Variants in FNIP2 observed in about 807,000 individuals in gnomAD.
FNIP2 encodes folliculin-interacting protein 2.
FNIP2 carries 32 observed loss-of-function variants against 108.7 expected under a neutral mutation model. That is an observed-to-expected ratio of 0.29 (90% CI 0.22 to 0.40). FNIP2 has a LOEUF of 0.40. FNIP2 is among the 10% of genes least tolerant of loss of function. The pLI, the probability that FNIP2 is intolerant of heterozygous loss-of-function variation, is 1.00. For missense variants in FNIP2, 1,202 were observed against 1,381.6 expected, an observed-to-expected ratio of 0.87 and a Z score of 2.06; for synonymous variants, 480 against 496.7, an observed-to-expected ratio of 0.97 and a Z score of 0.45.
intron 1 of FNIP2, among the ~76,000 whole-genome samples, chr4:158,820,616 A>G (rs769963714): frequency 1.3e-5 from 2 of 152,214 alleles, no homozygotes; most frequent in African/African-American, 2.4e-5. Context: ...TTGGCATAAA[A>G]TTTAAAGTCC....
intron 12 of FNIP2, among the ~76,000 whole-genome samples, chr4:158,864,266 C>T (rs192378211): frequency 1.7e-3 from 256 of 152,218 alleles, no homozygotes; most frequent in African/African-American, 5.8e-3. Context: ...TGGGCTCAAG[C>T]GATCCAACTG....
chr4:158,791,187 A>G (rs534843028), intron 1 of FNIP2, among the ~76,000 whole-genome samples: 2 of 149,716 alleles, frequency 1.3e-5, no homozygotes, highest in East Asian at 2.0e-4. Context: ...TTTGCTTCCA[A>G]TCCCCTCTAT....
chr4:158,806,748 G>A (rs1049926868), intron 1 of FNIP2, among the ~76,000 whole-genome samples: 7 of 152,118 alleles, frequency 4.6e-5, no homozygotes, highest in African/African-American at 1.7e-4. Context: ...GTAATTATCA[G>A]GAAAAAAAGG....
At chr4:158,773,804 G>A (rs1018207601) in intron 1 of FNIP2, among the ~76,000 whole-genome samples, 3 of 152,062 alleles carry the variant, frequency 2.0e-5, no homozygotes, top group African/African-American at 2.4e-5. Context: ...GATGTTCAGC[G>A]GACACTCACT....
At chr4:158,828,201 CACATGCTATGTAATTCA>C (rs1778263073) in intron 2 of FNIP2, among the ~76,000 whole-genome samples, 1 of 152,198 alleles carries the variant, frequency 6.6e-6, no homozygotes, top group African/African-American at 2.4e-5. Context: ...ATATTTCCAT[CACATGCTATGTAATTCA>C]CAGTAGCTCC....
chr4:158,770,196 C>A (rs919573773), intron 1 of FNIP2, among the ~76,000 whole-genome samples: 5 of 152,126 alleles, frequency 3.3e-5, no homozygotes, highest in African/African-American at 1.2e-4. Flanking sequence ...AGATTCCAGT[C>A]TTTAAAATCC....
At chr4:158,884,778 G>A (rs1362588161) in intron 14 of FNIP2, among the ~76,000 whole-genome samples, 2 of 152,120 alleles carry the variant, frequency 1.3e-5, no homozygotes, top group East Asian at 3.9e-4. Context: ...TGAAGGAGAA[G>A]CAAGTACCTT....
At chr4:158,771,453 G>T (rs1325778395) in intron 1 of FNIP2, among the ~76,000 whole-genome samples, 1 of 152,192 alleles carries the variant, frequency 6.6e-6, no homozygotes, top group African/African-American at 2.4e-5. Context: ...TTGTGAACCT[G>T]TGTTTCATTT....
chr4:158,838,743 A>G (rs1336198110), intron 7 of FNIP2, among the ~76,000 whole-genome samples: 1 of 152,154 alleles, frequency 6.6e-6, no homozygotes, highest in Non-Finnish European at 1.5e-5. Flanking sequence ...ACTATTAGCT[A>G]AAGTCCACAG....
In FNIP2 at chr4:158,781,914, G is replaced by A. The variant is rs955714157; in HGVS notation, c.107+12595G>A. On this transcript the variant is annotated intron_variant, in intron 1 of 16. Coordinates refer to ENST00000264433, the MANE Select transcript of FNIP2 (RefSeq NM_020840.3). ...AGTTTTTTTTTCTTTTTTTTAATCT[G>A]TAAAACAGGTGTAAAGTTGCCTTTC... Among the ~76,000 whole-genome samples the A allele has an allele frequency of 4.0e-5, 6 of 151,462 alleles. 1 individual carries two copies. In the South Asian group the frequency reaches 6.3e-4, roughly 16 times the overall value.
intron 8 of FNIP2, among the ~76,000 whole-genome samples, chr4:158,852,402 T>C (rs1290266564): frequency 2.0e-5 from 3 of 152,168 alleles, no homozygotes; most frequent in Non-Finnish European, 4.4e-5. Context: ...AATTATAGCT[T>C]TGTCACCCAT....
chr4:158,867,838 C>G lies in FNIP2; in HGVS notation c.1466-264C>G, dbSNP rs148082501. ...TGACCCACTGAGCTGCAGGGAAGAC[C>G]CAGCAGGCAATGGGAGGGGCTGTGG... is the stretch of plus-strand genomic sequence containing the variant. On this transcript the variant is annotated intron_variant, in intron 12 of 16. Transcript: ENST00000264433. 2.1e-4 allele frequency among the ~76,000 whole-genome samples: 32 copies of G among 152,258 alleles called. No homozygotes were observed. In the East Asian group the frequency reaches 4.1e-3, roughly 19 times the overall value.
intron 1 of FNIP2, among the ~76,000 whole-genome samples, chr4:158,786,030 G>A (rs183409838): frequency 1.5e-4 from 23 of 152,232 alleles, no homozygotes; most frequent in Non-Finnish European, 2.9e-4. Flanking sequence ...CCTTTGCCTG[G>A]ACTGAAACTC....
intron 1 of FNIP2, among the ~76,000 whole-genome samples, chr4:158,769,764 C>G (rs1376360449): frequency 6.6e-6 from 1 of 152,010 alleles, no homozygotes; most frequent in African/African-American, 2.4e-5. Flanking sequence ...GCAACAGTCA[C>G]GAAAAAGGCA....
intron 1 of FNIP2, among the ~76,000 whole-genome samples, chr4:158,774,266 G>A (rs1775789819): frequency 6.6e-6 from 1 of 152,132 alleles, no homozygotes; most frequent in South Asian, 2.1e-4. Flanking sequence ...CAAGAGGTAG[G>A]TGAAAATTTT....
At chr4:158,817,593 C>T (rs950939367) in intron 1 of FNIP2, among the ~76,000 whole-genome samples, 1 of 152,186 alleles carries the variant, frequency 6.6e-6, no homozygotes, top group Non-Finnish European at 1.5e-5. Flanking sequence ...GTCGCCCAGG[C>T]TGGAGTACAG....
chr4:158,898,969 G>A (rs894854414), intron 16 of FNIP2, among the ~76,000 whole-genome samples: 1 of 152,150 alleles, frequency 6.6e-6, no homozygotes, highest in African/African-American at 2.4e-5. Context: ...GTATGATATT[G>A]GCTGTGGGTT....
At chr4:158,799,988 T>C (rs563617694) in intron 1 of FNIP2, among the ~76,000 whole-genome samples, 6 of 152,282 alleles carry the variant, frequency 3.9e-5, no homozygotes, top group African/African-American at 1.4e-4. Flanking sequence ...CAGTGCCTTT[T>C]CTTGTGGGTG....
intron 1 of FNIP2, among the ~76,000 whole-genome samples, chr4:158,789,391 A>G (rs1776329513): frequency 6.6e-6 from 1 of 152,156 alleles, no homozygotes; most frequent in Admixed American, 6.5e-5. Context: ...CTAAGATACT[A>G]TGTTATGAAG....
Sources: gnomAD v4.1 joint callset for allele counts (sites outside exome capture counted in the v4.1 genomes callset) on GRCh38, gnomAD v4.1.1 for gene constraint, MANE v1.5 for transcripts, NCBI Gene and HGNC (gene_info 2026-07-23, HGNC 2026-07-21) for gene names.